The following LYPD6 variants were observed in gnomAD, a reference collection of about 807,000 sequenced individuals.
LYPD6 encodes the protein LY6/PLAUR domain containing 6, also known as ly6/PLAUR domain-containing protein 6.
Under a neutral mutation model 22.7 loss-of-function variants are expected in LYPD6, and 15 were observed. That is an observed-to-expected ratio of 0.66 (90% CI 0.44 to 1.02). The LOEUF (loss-of-function observed/expected upper bound fraction) is 1.02, where lower values mean the gene tolerates loss of function less well. Ranked by LOEUF, LYPD6 falls within the 50% of genes least tolerant of loss-of-function variation. The pLI, the probability that LYPD6 is intolerant of heterozygous loss-of-function variation, is 0.00. For missense variants in LYPD6, 189 were observed against 208.4 expected (o/e 0.91, Z 0.57); for synonymous variants, 72 against 77.5 (o/e 0.93, Z 0.37).
intron 1 of LYPD6, among the ~76,000 whole-genome samples, chr2:149,383,381 G>T (rs72991488): frequency 1.7e-4 from 26 of 152,074 alleles, no homozygotes; most frequent in African/African-American, 4.1e-4. Context: ...CAGTTTTTTT[G>T]GGGGGTAGGG....
chr2:149,381,577 G>T (rs967694894), intron 1 of LYPD6, among the ~76,000 whole-genome samples: 1 of 152,166 alleles, frequency 6.6e-6, no homozygotes, highest in African/African-American at 2.4e-5. Flanking sequence ...TGCTTGGGTA[G>T]AAAATGATAG....
intron 3 of LYPD6, among the ~76,000 whole-genome samples, chr2:149,462,469 A>G (rs906422164): frequency 3.9e-5 from 6 of 151,976 alleles, no homozygotes; most frequent in African/African-American, 1.2e-4. Flanking sequence ...ACAACATAGT[A>G]AAATGTCAGT....
chr2:149,433,731 G>C (rs913430517), intron 1 of LYPD6, among the ~76,000 whole-genome samples: 14 of 152,118 alleles, frequency 9.2e-5, no homozygotes, highest in African/African-American at 3.4e-4. Flanking sequence ...TCTCCACAGA[G>C]GCCAAGTTCC....
chr2:149,344,154 C>T (rs1195558306), intron 1 of LYPD6, among the ~76,000 whole-genome samples: 1 of 152,112 alleles, frequency 6.6e-6, no homozygotes, highest in Non-Finnish European at 1.5e-5. Flanking sequence ...ATTAGTTTGT[C>T]TCTCCTCCTA....
At chr2:149,454,468 C>A (rs1163647145) in intron 3 of LYPD6, among the ~76,000 whole-genome samples, 2 of 152,160 alleles carry the variant, frequency 1.3e-5, no homozygotes, top group African/African-American at 2.4e-5. Context: ...TATAGTAGAT[C>A]ATTATATGAA....
intron 1 of LYPD6, among the ~76,000 whole-genome samples, chr2:149,349,227 A>G (rs2105057040): frequency 6.6e-6 from 1 of 152,316 alleles, no homozygotes; most frequent in Non-Finnish European, 1.5e-5. Flanking sequence ...AGTAAAAGCC[A>G]TAAAAGGGGA....
chr2:149,406,782 T>G, intron 1 of LYPD6, among the ~76,000 whole-genome samples: 1 of 151,824 alleles, frequency 6.6e-6, no homozygotes, highest in East Asian at 1.9e-4. Context: ...ATTATGATGT[T>G]AGCTGGTTAT....
intron 1 of LYPD6, among the ~76,000 whole-genome samples, chr2:149,384,494 G>C (rs367722924): frequency 1.3e-5 from 2 of 152,140 alleles, no homozygotes; most frequent in Non-Finnish European, 2.9e-5. Flanking sequence ...TTGTTCCTGG[G>C]CAAAGGCTCA....
intron 4 of LYPD6, 111 bp from the exon 5 acceptor site, chr2:149,470,572 T>C: frequency 3.5e-6 from 3 of 845,484 alleles, no homozygotes; most frequent in Non-Finnish European, 5.7e-6. Flanking sequence ...CTTTATAGAT[T>C]AGGTAATTTT....
At chr2:149,388,331 T>C (rs1020423467) in intron 1 of LYPD6, among the ~76,000 whole-genome samples, 1 of 152,092 alleles carries the variant, frequency 6.6e-6, no homozygotes, top group Non-Finnish European at 1.5e-5. Flanking sequence ...TTCACATGAA[T>C]TCAGAAACAT....
chr2:149,351,594 G>C (rs183390622), intron 1 of LYPD6, among the ~76,000 whole-genome samples: 16 of 152,146 alleles, frequency 1.1e-4, no homozygotes, highest in Admixed American at 5.2e-4. Context: ...ATATTCTCTA[G>C]ATTATTATTT....
chr2:149,472,142 T>C lies in LYPD6; in HGVS notation c.*1292T>C, dbSNP rs1345176842. On this transcript the variant is annotated 3_prime_UTR_variant, in exon 5 of 5. Coordinates refer to ENST00000334166, the MANE Select transcript of LYPD6 (RefSeq NM_194317.5). ...TGTAAGGCATAACTAGAAACTAAAA[T>C]ATATTCTAAAAAATTCATTATTCTG... 6.6e-6 allele frequency: 1 copy of C among 152,232 alleles called. No homozygotes were observed. Among genetic ancestry groups the C allele is most frequent in the Non-Finnish European group, 1.5e-5 (1 of 68,042 alleles). 9.4% of individuals were successfully genotyped at this position (152,232 alleles called of 1,614,324 possible). A position where few individuals can be genotyped will look rare whatever the true frequency, so the allele number is the denominator to read the frequency against.
downstream of LYPD6, among the ~76,000 whole-genome samples, chr2:149,477,281 C>CA (rs1256220533): frequency 3.3e-5 from 5 of 152,148 alleles, no homozygotes; most frequent in African/African-American, 1.2e-4. Flanking sequence ...GATGTGCCAT[C>CA]AGACCTCCCA....
In LYPD6 at chr2:149,382,256, G is replaced by T. The variant is rs138426334; in HGVS notation, c.-72+51534G>T. On this transcript the variant is annotated intron_variant, in intron 1 of 4. Coordinates refer to ENST00000334166, the MANE Select transcript of LYPD6 (RefSeq NM_194317.5). Reference sequence around the variant, plus strand: ...AAGTGCAAAGTATTATCATAAATAAGGTTGAGGAATATGGAATTGCTCTTC... The same window carrying T: ...AAGTGCAAAGTATTATCATAAATAATGTTGAGGAATATGGAATTGCTCTTC... 5.2e-4 allele frequency among the ~76,000 whole-genome samples: 79 copies of T among 152,208 alleles called. No individual in the cohort carries two copies. The East Asian group carries it at 0.013, about 26-fold the overall frequency.
chr2:149,346,386 A>AG (rs1374719785), intron 1 of LYPD6, among the ~76,000 whole-genome samples: 3 of 152,210 alleles, frequency 2.0e-5, no homozygotes, highest in African/African-American at 7.2e-5. Flanking sequence ...GAGAGACCTG[A>AG]GTCCTCTCAC....
intron 1 of LYPD6, among the ~76,000 whole-genome samples, chr2:149,380,883 A>T (rs1489266578): frequency 1.3e-5 from 2 of 152,198 alleles, no homozygotes; most frequent in Non-Finnish European, 2.9e-5. Context: ...ATAGCAAAGG[A>T]AGGTGAGAAA....
Position 149,437,644 on chromosome 2 carries a change from G to A in LYPD6, c.-65G>A. On this transcript the variant is annotated 5_prime_UTR_variant, in exon 2 of 5. Transcript: ENST00000334166. ...TTCTTTCTTCATTTTTCAGGTGCAAGTTCTCTCCTGTTGCCCTGAGTGCCC... is the reference window on the plus strand; with the variant it reads ...TTCTTTCTTCATTTTTCAGGTGCAAATTCTCTCCTGTTGCCCTGAGTGCCC... 6.3e-7 allele frequency: 1 copy of A among 1,596,252 alleles called. No individual in the cohort carries two copies. Among genetic ancestry groups the A allele is most frequent in the Admixed American group, 1.7e-5 (1 of 59,260 alleles).
intron 3 of LYPD6, among the ~76,000 whole-genome samples, chr2:149,467,161 A>G (rs1045161566): frequency 6.6e-5 from 10 of 152,202 alleles, no homozygotes; most frequent in Admixed American, 5.2e-4. Flanking sequence ...ACTTTCAACT[A>G]TTCTTATTGT....
At chr2:149,356,452 C>A (rs1681450927) in intron 1 of LYPD6, among the ~76,000 whole-genome samples, 1 of 152,208 alleles carries the variant, frequency 6.6e-6, no homozygotes. Context: ...ATGGACACAT[C>A]ACCTCAGTCT....
Sources: gnomAD v4.1 joint callset for allele counts (sites outside exome capture counted in the v4.1 genomes callset) on GRCh38, gnomAD v4.1.1 for gene constraint, MANE v1.5 for transcripts, NCBI Gene and HGNC (gene_info 2026-07-23, HGNC 2026-07-21) for gene names.